UBAP1: variants seen among roughly 807,000 people sequenced by gnomAD.
The protein encoded by UBAP1 is ubiquitin-associated protein 1.
Under a neutral mutation model 39.0 loss-of-function variants are expected in UBAP1, and 5 were observed. The observed-to-expected ratio is 0.13, with a 90% CI of 0.07 to 0.27. UBAP1 has a LOEUF of 0.27. UBAP1 is among the 10% of genes least tolerant of loss of function. The probability of loss-of-function intolerance (pLI) is 1.00; values close to 1 mark genes in which losing one functional copy is unlikely to be tolerated. For missense variants in UBAP1, 490 were observed against 608.1 expected (o/e 0.81, Z 2.04); for synonymous variants, 211 against 225.1 (o/e 0.94, Z 0.56).
chr9:34,234,642 T>C (rs530184739), intron 3 of UBAP1, among the ~76,000 whole-genome samples: 1 of 151,962 alleles, frequency 6.6e-6, no homozygotes, highest in African/African-American at 2.4e-5. Context: ...ATGATAGATA[T>C]ATATATATAT....
At chr9:34,227,671 C>T (rs757089635) in intron 2 of UBAP1, among the ~76,000 whole-genome samples, 10 of 152,206 alleles carry the variant, frequency 6.6e-5, no homozygotes, top group Non-Finnish European at 1.5e-4. Flanking sequence ...GTATGCAGAA[C>T]CTAACTTCAA....
chr9:34,196,375 G>T (rs180983078), intron 1 of UBAP1, among the ~76,000 whole-genome samples: 156 of 151,296 alleles, frequency 1.0e-3, no homozygotes, highest in Non-Finnish European at 6.5e-4. Flanking sequence ...GAGTGCAATG[G>T]CGTGATCTCG....
chr9:34,221,008 CTT>C lies in UBAP1; in HGVS notation c.34+61_34+62del, dbSNP rs770718955. The C allele has an allele frequency of 6.9e-5, 104 of 1,505,452 alleles. 1 individual carries two copies. Among genetic ancestry groups the C allele is most frequent in the Non-Finnish European group, 9.1e-5 (99 of 1,086,960 alleles). The allele number at this position is 1,505,452 out of a possible 1,614,324, so 93.3% of individuals were successfully genotyped here. A position where few individuals can be genotyped will look rare whatever the true frequency, so the allele number is the denominator to read the frequency against. On this transcript the variant is annotated intron_variant, in intron 2 of 6. Coordinates refer to ENST00000297661, the MANE Select transcript of UBAP1 (RefSeq NM_016525.5). ...GATTTGATCAGAGGATTTGGAATCA[CTT>C]AGCATAGTTTTAAGTACAAGTGCCC...
Position 34,241,391 on chromosome 9 carries a change from C to A in UBAP1, c.366C>A (p.Ala122=). The change falls in exon 4 of 7, where the codon GCC becomes GCA. Residue 122 remains alanine (A), a synonymous_variant. Coordinates refer to ENST00000297661, the MANE Select transcript of UBAP1 (RefSeq NM_016525.5). ...TMPPPINPIL[A]SLQHNSILTP... ...CACCTCCTATTAACCCCATCCTCGC[C>A]AGCTTGCAGCACAACAGCATCCTCA... is the stretch of plus-strand genomic sequence containing the variant. 6.4e-7 allele frequency: 1 copy of A among 1,565,152 alleles called. No individual in the cohort carries two copies. Among genetic ancestry groups the A allele is most frequent in the South Asian group, 1.2e-5 (1 of 81,874 alleles).
intron 1 of UBAP1, among the ~76,000 whole-genome samples, chr9:34,184,036 C>T (rs1294579366): frequency 4.6e-5 from 7 of 151,986 alleles, no homozygotes; most frequent in African/African-American, 1.7e-4. Flanking sequence ...TCCCAAAGTG[C>T]TGGGATTACA....
chr9:34,250,594 A>AG, intron 5 of UBAP1, 64 bp from the exon 6 acceptor site: 1 of 1,325,834 alleles, frequency 7.5e-7, no homozygotes, highest in Non-Finnish European at 1.1e-6. Flanking sequence ...TAGTTTGTTG[A>AG]GGTCTCTTGG....
rs1367129913 is a variant in UBAP1 at position 34,250,708 on chromosome 9, C to T, written c.1317C>T (p.Asp439=). 1 of 1,613,818 alleles carries T rather than the reference C, an allele frequency of 6.2e-7. No homozygotes were observed. ...GACAGCTTTGTGAGAAGGGCTTCGA[C>T]CCTCTTTTAGTGGAAGAGGCTCTGG... ...AHGQLCEKGF[D]PLLVEEALEM... is the part of the protein sequence containing the mutation. Residue 439 remains aspartate (D), a synonymous_variant, in exon 6 of 7, where the codon GAC becomes GAT. Transcript: ENST00000297661.
chr9:34,200,905 T>C (rs1831331543), intron 1 of UBAP1, among the ~76,000 whole-genome samples: 1 of 152,158 alleles, frequency 6.6e-6, no homozygotes, highest in Non-Finnish European at 1.5e-5. Context: ...GTATATAGGC[T>C]TAAGTGATTT....
chr9:34,183,158 A>G (rs1407072655), intron 1 of UBAP1, among the ~76,000 whole-genome samples: 1 of 152,114 alleles, frequency 6.6e-6, no homozygotes, highest in East Asian at 1.9e-4. Context: ...TTTCCTACAG[A>G]TTCATTAAAA....
At chr9:34,248,440 G>A (rs1181391121) in intron 4 of UBAP1, among the ~76,000 whole-genome samples, 1 of 152,198 alleles carries the variant, frequency 6.6e-6, no homozygotes, top group African/African-American at 2.4e-5. Context: ...TTGAAGAATA[G>A]TCCTGACTCC....
intron 1 of UBAP1, among the ~76,000 whole-genome samples, chr9:34,199,958 A>T (rs986432937): frequency 2.0e-5 from 3 of 151,718 alleles, no homozygotes; most frequent in African/African-American, 7.3e-5. Flanking sequence ...GGTTTTCTAC[A>T]ATTTTTTTTT....
rs74180553 is a variant in UBAP1 at position 34,226,105 on chromosome 9, T to TTGTGTGTGTGTGTGTGTG, written c.34+5192_34+5209dup. Among the ~76,000 whole-genome samples the TTGTGTGTGTGTGTGTGTG allele has an allele frequency of 2.5e-4, 22 of 88,290 alleles. 1 individual carries two copies. The highest frequency in any genetic ancestry group is 6.3e-4 in the East Asian group (2 of 3,188). The allele number at this position is 88,290 out of a possible 152,430, so 57.9% of individuals were successfully genotyped here. A position where few individuals can be genotyped will look rare whatever the true frequency, so the allele number is the denominator to read the frequency against. The stretch of plus-strand genomic sequence containing the variant: ...CCTTCTAAAGTTTCCTCCTACTCTA[T>TTGTGTGTGTGTGTGTGTG]TGTGTGTGTGTGTGTGTGTGTGTGT... On this transcript the variant is annotated intron_variant, in intron 2 of 6. Transcript: ENST00000297661.
chr9:34,194,967 C>CT (rs1830940095), intron 1 of UBAP1, among the ~76,000 whole-genome samples: 1 of 152,114 alleles, frequency 6.6e-6, no homozygotes, highest in South Asian at 2.1e-4. Context: ...GATACGTAAC[C>CT]TAGTAAGTTG....
Position 34,242,050 on chromosome 9 carries a change from C to T in UBAP1, c.1025C>T (p.Ser342Phe). Residue 342 changes from serine to phenylalanine, a missense_variant, in exon 4 of 7, where the codon TCC becomes TTC. Ser to Phe is a radical substitution (Grantham distance 155). Transcript: ENST00000297661. ...GCCCTGACATCCTCCCAGATGCCTT[C>T]CCTCTCTGTTTTGTCTGTGTGCACA... Reference protein sequence around the residue: ...MPALTSSQMPSLSVLSVCTEE... With the variant: ...MPALTSSQMPFLSVLSVCTEE... 2 of 1,614,000 alleles carry T rather than the reference C, an allele frequency of 1.2e-6. No homozygotes were observed. The highest frequency in any genetic ancestry group is 1.1e-5 in the South Asian group (1 of 91,076).
intron 3 of UBAP1, among the ~76,000 whole-genome samples, chr9:34,235,429 C>T (rs967358556): frequency 1.3e-5 from 2 of 151,928 alleles, no homozygotes; most frequent in Non-Finnish European, 2.9e-5. Flanking sequence ...AGCTCTGCCT[C>T]CTGGGTTCAC....
chr9:34,217,397 C>A (rs746130327), intron 1 of UBAP1, among the ~76,000 whole-genome samples: 1 of 151,896 alleles, frequency 6.6e-6, no homozygotes, highest in Admixed American at 6.6e-5. Flanking sequence ...CCACCATGCC[C>A]GGCTAATTTT....
rs374760470 is a variant in UBAP1 at position 34,209,977 on chromosome 9, T to A, written c.-7-10931T>A. The stretch of plus-strand genomic sequence containing the variant: ...GTTTCCATATCCACATAAACATACT[T>A]CTCTCTTTTCCACAATGTCAGGGCC... On this transcript the variant is annotated intron_variant, in intron 1 of 6. Transcript: ENST00000297661. Among the ~76,000 whole-genome samples the A allele has an allele frequency of 1.1e-3, 172 of 152,336 alleles. 4 individuals carry two copies. The South Asian group carries it at 0.035, about 31-fold the overall frequency.
chr9:34,200,504 T>C (rs531376505), intron 1 of UBAP1, among the ~76,000 whole-genome samples: 6 of 152,344 alleles, frequency 3.9e-5, no homozygotes, highest in African/African-American at 1.2e-4. Context: ...TTAGGATGGA[T>C]AGATGTTTAG....
intron 1 of UBAP1, among the ~76,000 whole-genome samples, chr9:34,193,943 G>A (rs191908587): frequency 1.4e-3 from 209 of 152,248 alleles, no homozygotes; most frequent in Non-Finnish European, 2.3e-3. Flanking sequence ...GTCCTTTCTT[G>A]GGGCAGGTGA....
Sources: gnomAD v4.1 joint callset for allele counts (sites outside exome capture counted in the v4.1 genomes callset) on GRCh38, gnomAD v4.1.1 for gene constraint, MANE v1.5 for transcripts, NCBI Gene and HGNC (gene_info 2026-07-23, HGNC 2026-07-21) for gene names.